The following FOXN3 variants were observed in gnomAD, a reference collection of about 807,000 sequenced individuals.
FOXN3 encodes the protein forkhead box N3, also known as forkhead box protein N3.
In FOXN3, 7 loss-of-function variants were observed where a neutral mutation model predicts 38.4. That is an observed-to-expected ratio of 0.18 (90% CI 0.10 to 0.34). The LOEUF (loss-of-function observed/expected upper bound fraction) is 0.34, where lower values mean the gene tolerates loss of function less well. Ranked by LOEUF, FOXN3 falls within the 10% of genes least tolerant of loss-of-function variation. The pLI, the probability that FOXN3 is intolerant of heterozygous loss-of-function variation, is 1.00. For synonymous variants in FOXN3, 230 were observed against 242.2 expected (o/e 0.95, Z 0.47); for missense variants, 456 against 613.4 (o/e 0.74, Z 2.71).
intron 5 of FOXN3, among the ~76,000 whole-genome samples, chr14:89,166,306 T>G (rs1596076101): frequency 6.6e-6 from 1 of 152,164 alleles, no homozygotes; most frequent in South Asian, 2.1e-4. Context: ...AACTTTCTTC[T>G]TAAAGAGATC....
At chr14:89,611,703 G>A (rs1025023160) in intron 1 of FOXN3, among the ~76,000 whole-genome samples, 7 of 151,944 alleles carry the variant, frequency 4.6e-5, no homozygotes, top group African/African-American at 1.5e-4. Flanking sequence ...CTGCTGGGGA[G>A]GCTGAGGCAG....
At chr14:89,204,050 C>T (rs1308981333) in intron 4 of FOXN3, among the ~76,000 whole-genome samples, 1 of 116,338 alleles carries the variant, frequency 8.6e-6, no homozygotes, top group Admixed American at 1.0e-4. Flanking sequence ...GGCATACTCC[C>T]TTACACACAC....
At chr14:89,319,107 T>G (rs1011322138) in intron 3 of FOXN3, among the ~76,000 whole-genome samples, 8 of 152,024 alleles carry the variant, frequency 5.3e-5, no homozygotes, top group Admixed American at 2.0e-4. Flanking sequence ...CAATTCTGAG[T>G]TGCTGACTTT....
chr14:89,249,708 C>T (rs924315768), intron 4 of FOXN3, among the ~76,000 whole-genome samples: 1 of 152,138 alleles, frequency 6.6e-6, no homozygotes, highest in Admixed American at 6.5e-5. Context: ...ACAAATCCAA[C>T]GATGGGACAA....
intron 1 of FOXN3, among the ~76,000 whole-genome samples, chr14:89,553,490 C>T (rs1286369085): frequency 6.7e-6 from 1 of 149,928 alleles, no homozygotes; most frequent in African/African-American, 2.5e-5. Flanking sequence ...GAAAGCAAAA[C>T]TCAGGAGGTA....
At chr14:89,430,919 T>C (rs1188232901) in intron 1 of FOXN3, among the ~76,000 whole-genome samples, 4 of 152,218 alleles carry the variant, frequency 2.6e-5, no homozygotes, top group Non-Finnish European at 5.9e-5. Context: ...GGGATCTTGC[T>C]AAAGGCATGA....
At chr14:89,191,973 T>TATATATATATATATATATATATATAAAA (rs1481298307) in intron 4 of FOXN3, among the ~76,000 whole-genome samples, 2 of 135,212 alleles carry the variant, frequency 1.5e-5, no homozygotes, top group African/African-American at 6.3e-5. Context: ...CACATATATA[T>TATATATATATATATATATATATATAAAA]AACTATAATA....
chr14:89,612,424 T>C (rs1482853789), intron 1 of FOXN3, among the ~76,000 whole-genome samples: 1 of 152,174 alleles, frequency 6.6e-6, no homozygotes, highest in Admixed American at 6.5e-5. Flanking sequence ...TAAGTAGTCC[T>C]TATAGAGTCA....
chr14:89,520,467 G>T (rs975655346), intron 1 of FOXN3, among the ~76,000 whole-genome samples: 2 of 152,172 alleles, frequency 1.3e-5, no homozygotes, highest in Non-Finnish European at 2.9e-5. Flanking sequence ...ATGAAAGTTA[G>T]AAATAGAAAG....
chr14:89,330,955 T>G (rs753021219), intron 3 of FOXN3, among the ~76,000 whole-genome samples: 12 of 152,244 alleles, frequency 7.9e-5, no homozygotes, highest in Non-Finnish European at 1.0e-4. Context: ...TGCTGGAATG[T>G]GAAATGAGGT....
intron 1 of FOXN3, among the ~76,000 whole-genome samples, chr14:89,569,339 G>A (rs1895443416): frequency 1.3e-5 from 2 of 152,196 alleles, no homozygotes; most frequent in African/African-American, 4.8e-5. Flanking sequence ...CGTAGGTAGT[G>A]GAAAGTGACC....
intron 4 of FOXN3, among the ~76,000 whole-genome samples, chr14:89,224,597 C>CTGGG: frequency 6.6e-6 from 1 of 152,198 alleles, no homozygotes; most frequent in East Asian, 1.9e-4. Flanking sequence ...CCAGGCACAA[C>CTGGG]TGGGTATGTT....
chr14:89,175,270 T>C (rs1887492161), intron 5 of FOXN3, among the ~76,000 whole-genome samples: 1 of 152,214 alleles, frequency 6.6e-6, no homozygotes, highest in Non-Finnish European at 1.5e-5. Flanking sequence ...TAGACGGTGA[T>C]TGGATGAAAC....
chr14:89,280,941 G>A lies in FOXN3; in HGVS notation c.745+9C>T, dbSNP rs1042851156. 4 of 1,612,566 alleles carry A rather than the reference G, an allele frequency of 2.5e-6. No homozygotes were observed. Among genetic ancestry groups the A allele is most frequent in the Non-Finnish European group, 3.4e-6 (4 of 1,179,106 alleles). ...GGAGGGAGAGGAAGGGGTGTTACTA[G>A]GGACCTACCTTGGAGAAGGGCTCCA... On this transcript the variant is annotated intron_variant, in intron 4 of 5. Transcript: ENST00000557258.
At chr14:89,334,979 C>T (rs1888400016) in intron 3 of FOXN3, among the ~76,000 whole-genome samples, 1 of 151,930 alleles carries the variant, frequency 6.6e-6, no homozygotes, top group South Asian at 2.1e-4. Context: ...CTTGGCCAGG[C>T]TGGTCTTGAA....
chr14:89,251,572 T>C (rs1596132037), intron 4 of FOXN3, among the ~76,000 whole-genome samples: 1 of 152,234 alleles, frequency 6.6e-6, no homozygotes, highest in African/African-American at 2.4e-5. Context: ...TGTGGGTGGA[T>C]TTCAGTTACT....
intron 4 of FOXN3, among the ~76,000 whole-genome samples, chr14:89,266,618 A>G (rs1332013892): frequency 2.6e-5 from 4 of 152,214 alleles, no homozygotes; most frequent in African/African-American, 9.6e-5. Flanking sequence ...AGAAAACTCC[A>G]GCCTCAAGGA....
intron 1 of FOXN3, among the ~76,000 whole-genome samples, chr14:89,441,266 A>G (rs1463598006): frequency 6.6e-6 from 1 of 152,078 alleles, no homozygotes; most frequent in African/African-American, 2.4e-5. Context: ...AGAACTCCCC[A>G]ACGACTCCAT....
chr14:89,350,842 A>G, intron 2 of FOXN3, 34 bp from the exon 3 acceptor site: 2 of 1,483,528 alleles, frequency 1.3e-6, no homozygotes, highest in South Asian at 1.4e-5. Flanking sequence ...AGGCATTAAT[A>G]GAGAATTATT....
Sources: gnomAD v4.1 joint callset for allele counts (sites outside exome capture counted in the v4.1 genomes callset) on GRCh38, gnomAD v4.1.1 for gene constraint, MANE v1.5 for transcripts, NCBI Gene and HGNC (gene_info 2026-07-23, HGNC 2026-07-21) for gene names.